Variants in CTNNA3 observed in about 807,000 individuals in gnomAD.
The protein encoded by CTNNA3 is catenin alpha 3, also known as catenin alpha-3.
In CTNNA3, 76 loss-of-function variants were observed where a neutral mutation model predicts 95.7. That is an observed-to-expected ratio of 0.79 (90% CI 0.66 to 0.96). CTNNA3 has a LOEUF of 0.96. Ranked by LOEUF, CTNNA3 falls within the 40% of genes least tolerant of loss-of-function variation. The pLI, the probability that CTNNA3 is intolerant of heterozygous loss-of-function variation, is 0.00. For synonymous variants in CTNNA3, 431 were observed against 374.4 expected, an observed-to-expected ratio of 1.15 and a Z score of -1.74; for missense variants, 1,191 against 1,089.8, an observed-to-expected ratio of 1.09 and a Z score of -1.31.
chr10:67,465,537 G>A (rs1438817961), intron 5 of CTNNA3, among the ~76,000 whole-genome samples: 1 of 152,058 alleles, frequency 6.6e-6, no homozygotes, highest in African/African-American at 2.4e-5. Flanking sequence ...AAATAATAGA[G>A]GTTTCAAGTA....
chr10:66,866,396 C>T (rs1346088621), intron 7 of CTNNA3, among the ~76,000 whole-genome samples: 1 of 152,228 alleles, frequency 6.6e-6, no homozygotes, highest in East Asian at 1.9e-4. Flanking sequence ...GTTGCCTACG[C>T]ATCATCATAA....
In CTNNA3 at chr10:65,920,597, C is replaced by T; in HGVS notation, c.2421G>A (p.Leu807=). 6.2e-7 allele frequency: 1 copy of T among 1,613,904 alleles called. No homozygotes were observed. The highest frequency in any genetic ancestry group is 8.5e-7 in the Non-Finnish European group (1 of 1,179,866). Residue 807 remains leucine, a synonymous_variant, in exon 18 of 18, where the codon CTG becomes CTA. Coordinates refer to ENST00000433211, the MANE Select transcript of CTNNA3 (RefSeq NM_013266.4). ...IMSALDSVTS[L]IQAAKNLMNA... is the part of the protein sequence containing the mutation. ...TCATTAAATTTTTGGCTGCTTGGAT[C>T]AGGGATGTGACACTGTCCAACTGTA...
At chr10:66,300,840 A>T (rs533009665) in intron 12 of CTNNA3, among the ~76,000 whole-genome samples, 1 of 152,238 alleles carries the variant, frequency 6.6e-6, no homozygotes, top group Non-Finnish European at 1.5e-5. Context: ...AGCAAAAATC[A>T]ATGAATTTGG....
upstream of CTNNA3, among the ~76,000 whole-genome samples, chr10:67,699,558 T>G (rs1020108027): frequency 2.0e-5 from 3 of 152,186 alleles, no homozygotes; most frequent in Non-Finnish European, 2.9e-5. Context: ...GCCACCCAGG[T>G]ACACGCTAAG....
intron 7 of CTNNA3, among the ~76,000 whole-genome samples, chr10:67,174,198 C>T (rs1862141583): frequency 1.3e-5 from 2 of 152,158 alleles, no homozygotes; most frequent in South Asian, 4.1e-4. Flanking sequence ...TGGCTGCCTA[C>T]TTTTTATTAT....
chr10:66,313,465 A>G (rs2092052315), intron 12 of CTNNA3, among the ~76,000 whole-genome samples: 1 of 152,176 alleles, frequency 6.6e-6, no homozygotes, highest in Non-Finnish European at 1.5e-5. Context: ...CTGGGAGATA[A>G]AACACTGTGT....
intron 10 of CTNNA3, among the ~76,000 whole-genome samples, chr10:66,563,282 C>A (rs1166098089): frequency 6.6e-6 from 1 of 151,980 alleles, no homozygotes; most frequent in Non-Finnish European, 1.5e-5. Context: ...AAAAGAGAAA[C>A]AAATCAAATG....
intron 17 of CTNNA3, among the ~76,000 whole-genome samples, chr10:65,938,141 G>A (rs2077371626): frequency 6.6e-6 from 1 of 152,170 alleles, no homozygotes. Flanking sequence ...AGGGGAAACA[G>A]TTATTTCTGG....
chr10:65,937,668 C>G lies in CTNNA3; in HGVS notation c.2401-17051G>C, dbSNP rs1004731852. ...CACTGTACTCCTATTATAGCACTTA[C>G]CAAAGTGAACTGCTATTGTCTTGCC... On this transcript the variant is annotated intron_variant, in intron 17 of 17. Transcript: ENST00000433211. Among the ~76,000 whole-genome samples, 18 of 152,102 alleles carry G rather than the reference C, an allele frequency of 1.2e-4. 1 individual carries two copies. The highest frequency in any genetic ancestry group is 1.0e-3 in the Admixed American group (16 of 15,268).
chr10:67,688,443 T>G (rs187088309), intron 1 of CTNNA3, among the ~76,000 whole-genome samples: 2 of 152,264 alleles, frequency 1.3e-5, no homozygotes, highest in African/African-American at 4.8e-5. Flanking sequence ...TTTGCATAGT[T>G]GTGTATTCTC....
intron 5 of CTNNA3, among the ~76,000 whole-genome samples, chr10:67,377,736 T>A (rs1215496250): frequency 6.6e-6 from 1 of 152,176 alleles, no homozygotes; most frequent in Non-Finnish European, 1.5e-5. Context: ...GTAATTAGCA[T>A]ATCTACCATC....
chr10:66,284,444 A>G (rs2132170587), intron 12 of CTNNA3, among the ~76,000 whole-genome samples: 1 of 151,990 alleles, frequency 6.6e-6, no homozygotes, highest in African/African-American at 2.4e-5. Context: ...TTGATAAGTA[A>G]AGTCCATGGG....
At chr10:66,056,079 G>C (rs531519647) in intron 15 of CTNNA3, among the ~76,000 whole-genome samples, 2 of 152,212 alleles carry the variant, frequency 1.3e-5, no homozygotes, top group Admixed American at 6.5e-5. Flanking sequence ...AGTGGTGAAA[G>C]TGGGAATCCT....
chr10:66,058,603 G>A (rs1402786480), intron 15 of CTNNA3, among the ~76,000 whole-genome samples: 1 of 152,136 alleles, frequency 6.6e-6, no homozygotes, highest in Non-Finnish European at 1.5e-5. Context: ...CATGAGGAAA[G>A]CTGAGAGCTC....
At chr10:66,856,819 C>T (rs1843701711) in intron 7 of CTNNA3, among the ~76,000 whole-genome samples, 2 of 151,892 alleles carry the variant, frequency 1.3e-5, no homozygotes, top group Non-Finnish European at 2.9e-5. Context: ...TTGTCAGATG[C>T]AAAGCCTGAA....
At chr10:66,902,923 T>C (rs912943128) in intron 7 of CTNNA3, among the ~76,000 whole-genome samples, 3 of 152,130 alleles carry the variant, frequency 2.0e-5, no homozygotes, top group Admixed American at 6.5e-5. Context: ...ACCAGACAGA[T>C]TCACAGATGA....
At chr10:67,572,805 T>C (rs1243738810) in intron 3 of CTNNA3, among the ~76,000 whole-genome samples, 1 of 152,186 alleles carries the variant, frequency 6.6e-6, no homozygotes, top group Admixed American at 6.5e-5. Flanking sequence ...TCGAAAGCTA[T>C]GTTGGGCCCC....
intron 12 of CTNNA3, among the ~76,000 whole-genome samples, chr10:66,283,676 A>C (rs1337769806): frequency 6.6e-6 from 1 of 151,918 alleles, no homozygotes; most frequent in Non-Finnish European, 1.5e-5. Context: ...GTACAGATGG[A>C]AACTACTACT....
At chr10:67,069,398 C>G (rs2131842301) in intron 7 of CTNNA3, among the ~76,000 whole-genome samples, 1 of 152,024 alleles carries the variant, frequency 6.6e-6, no homozygotes, top group Middle Eastern at 3.4e-3. Flanking sequence ...AGCTTATTAA[C>G]TCAAAAAACG....
Sources: allele counts gnomAD v4.1 joint callset (sites outside exome capture counted in the v4.1 genomes callset), GRCh38; gene constraint gnomAD v4.1.1; transcripts MANE v1.5; gene names NCBI Gene and HGNC (gene_info 2026-07-23, HGNC 2026-07-21).